Variants in CDH13 observed in about 807,000 individuals in gnomAD.
The protein encoded by CDH13 is cadherin 13.
Under a neutral mutation model 63.8 loss-of-function variants are expected in CDH13, and 24 were observed. The observed-to-expected ratio is 0.38, with a 90% CI of 0.27 to 0.53. The LOEUF is 0.53. CDH13 is among the 20% of genes least tolerant of loss of function. The pLI is 0.85. For synonymous variants in CDH13, 503 were observed against 355.3 expected (o/e 1.42, Z -4.67); for missense variants, 1,049 against 903.1 (o/e 1.16, Z -2.07).
chr16:83,006,029 G>C (rs761184301), intron 2 of CDH13, among the ~76,000 whole-genome samples: 2 of 152,296 alleles, frequency 1.3e-5, no homozygotes, highest in East Asian at 3.9e-4. Flanking sequence ...AATGTACTCA[G>C]TTCAGATTCA....
chr16:83,767,975 A>G (rs1367986303), intron 11 of CDH13, among the ~76,000 whole-genome samples: 2 of 152,212 alleles, frequency 1.3e-5, no homozygotes, highest in Non-Finnish European at 2.9e-5. Context: ...CGCAAAAATA[A>G]AGAGTAAGAA....
At position 82,702,071 on chromosome 16, in the gene CDH13, C is replaced by G. The variant is rs933524347; in HGVS notation, c.45+74934C>G. ...CATCCAACTCACCTTTCCCACTTGG[C>G]CTTCTGTCCTTGAATGCGAAGAACC... is the stretch of plus-strand genomic sequence containing the variant. On this transcript the variant is annotated intron_variant, in intron 1 of 13. Transcript: ENST00000567109. Among the ~76,000 whole-genome samples the G allele has an allele frequency of 3.9e-5, 6 of 152,310 alleles. No individual in the cohort carries two copies. The South Asian group carries it at 1.0e-3, about 26-fold the overall frequency.
Position 83,451,284 on chromosome 16 carries a change from T to C in CDH13, c.782-35193T>C, listed in dbSNP as rs144147280. Reference sequence around the variant, plus strand: ...GCAGAAGGCGAAGGAGGAGCAAAGTTACATCTTACATGGCAGCAGGCAAGA... The same window carrying C: ...GCAGAAGGCGAAGGAGGAGCAAAGTCACATCTTACATGGCAGCAGGCAAGA... On this transcript the variant is annotated intron_variant, in intron 6 of 13. Transcript: ENST00000567109. Among the ~76,000 whole-genome samples the C allele has an allele frequency of 3.0e-3, 458 of 152,218 alleles. 3 individuals carry two copies. The highest frequency in any genetic ancestry group is 0.018 in the East Asian group (93 of 5,174).
chr16:82,688,041 A>G (rs1471359515), intron 1 of CDH13, among the ~76,000 whole-genome samples: 2 of 152,192 alleles, frequency 1.3e-5, no homozygotes, highest in Non-Finnish European at 2.9e-5. Flanking sequence ...TATGGCAGCA[A>G]TGGTTCAAGT....
intron 4 of CDH13, among the ~76,000 whole-genome samples, chr16:83,197,709 TG>T (rs2038914857): frequency 6.6e-6 from 1 of 151,834 alleles, no homozygotes; most frequent in Admixed American, 6.6e-5. Context: ...ATCTCAATGG[TG>T]GTGATGGATA....
intron 2 of CDH13, among the ~76,000 whole-genome samples, chr16:82,915,030 C>T (rs2041943749): frequency 6.6e-6 from 1 of 152,214 alleles, no homozygotes; most frequent in Admixed American, 6.5e-5. Flanking sequence ...GTGGTCTAAA[C>T]TTTCACTGAA....
intron 1 of CDH13, among the ~76,000 whole-genome samples, chr16:82,672,902 C>A (rs376312198): frequency 6.6e-6 from 1 of 151,720 alleles, no homozygotes; most frequent in Non-Finnish European, 1.5e-5. Context: ...GCCACTTCTA[C>A]CTCCTGGGCT....
Position 83,012,203 on chromosome 16 carries a change from C to A in CDH13, c.158-19807C>A, listed in dbSNP as rs558483417. On this transcript the variant is annotated intron_variant, in intron 2 of 13. Coordinates refer to ENST00000567109, the MANE Select transcript of CDH13 (RefSeq NM_001257.5). Reference sequence around the variant, plus strand: ...TTTAAACACAATATTTTTCTGAGTTCTTTGGATTTTTAAGTACTTAAAATA... The same window carrying A: ...TTTAAACACAATATTTTTCTGAGTTATTTGGATTTTTAAGTACTTAAAATA... 2.0e-5 allele frequency among the ~76,000 whole-genome samples: 3 copies of A among 151,518 alleles called. No homozygotes were observed. The East Asian group carries it at 5.8e-4, about 29-fold the overall frequency.
chr16:82,961,576 A>T (rs1279999022), intron 2 of CDH13, among the ~76,000 whole-genome samples: 1 of 147,950 alleles, frequency 6.8e-6, no homozygotes, highest in African/African-American at 2.6e-5. Flanking sequence ...GGGACTTAAA[A>T]AAAAAAAAAA....
At chr16:82,630,565 C>T (rs1907885092) in intron 1 of CDH13, among the ~76,000 whole-genome samples, 1 of 152,112 alleles carries the variant, frequency 6.6e-6, no homozygotes, top group African/African-American at 2.4e-5. Context: ...GTGAAATTGC[C>T]CAACAAACCA....
At chr16:82,885,719 G>T (rs558931299) in intron 2 of CDH13, among the ~76,000 whole-genome samples, 20 of 152,214 alleles carry the variant, frequency 1.3e-4, no homozygotes, top group African/African-American at 4.8e-4. Context: ...GATCTTCAGT[G>T]AATCATTTTG....
chr16:82,824,551 T>C (rs1410754553), intron 1 of CDH13: 1 of 152,208 alleles, frequency 6.6e-6, no homozygotes, highest in African/African-American at 2.4e-5. Flanking sequence ...CATCTAGTCT[T>C]GAGCCAAAAA....
At chr16:82,685,582 G>A (rs552575151) in intron 1 of CDH13, among the ~76,000 whole-genome samples, 74 of 152,344 alleles carry the variant, frequency 4.9e-4, no homozygotes, top group African/African-American at 1.7e-3. Flanking sequence ...TAAGAAAGAT[G>A]TGTTTGTGCC....
intron 1 of CDH13, among the ~76,000 whole-genome samples, chr16:82,828,540 T>C (rs1219677093): frequency 1.3e-5 from 2 of 152,026 alleles, no homozygotes; most frequent in Non-Finnish European, 2.9e-5. Context: ...GGCATGAGAA[T>C]TGCTTGATCC....
intron 8 of CDH13, among the ~76,000 whole-genome samples, chr16:83,634,115 TTCTGTGTGTGTGTGTGTGTATGTG>T (rs1374214575): frequency 7.4e-6 from 1 of 135,680 alleles, no homozygotes; most frequent in Non-Finnish European, 1.6e-5. Flanking sequence ...TTTGTGTGTT[TTCTGTGTGTGTGTGTGTGTATGTG>T]TGTGTGTGTG....
At chr16:83,013,449 C>G (rs996543640) in intron 2 of CDH13, among the ~76,000 whole-genome samples, 1 of 152,132 alleles carries the variant, frequency 6.6e-6, no homozygotes, top group African/African-American at 2.4e-5. Flanking sequence ...CTGCCATAAA[C>G]AAACCAAGCA....
chr16:83,688,838 T>C (rs893159762), intron 10 of CDH13, among the ~76,000 whole-genome samples: 4 of 152,224 alleles, frequency 2.6e-5, no homozygotes, highest in African/African-American at 9.6e-5. Context: ...TTTTTAGTGG[T>C]CAGATGTTCT....
At chr16:82,874,080 G>A (rs190196196) in intron 2 of CDH13, among the ~76,000 whole-genome samples, 111 of 152,120 alleles carry the variant, frequency 7.3e-4, no homozygotes, top group African/African-American at 2.4e-3. Context: ...ACGATTCTAC[G>A]AGCGGGGTCT....
chr16:82,783,811 C>T (rs2035877694), intron 1 of CDH13, among the ~76,000 whole-genome samples: 1 of 142,748 alleles, frequency 7.0e-6, no homozygotes, highest in Non-Finnish European at 1.6e-5. Flanking sequence ...GAGGCAGCGG[C>T]AGGCTTCTGA....
Sources: allele counts gnomAD v4.1 joint callset (sites outside exome capture counted in the v4.1 genomes callset), GRCh38; gene constraint gnomAD v4.1.1; transcripts MANE v1.5; gene names NCBI Gene and HGNC (gene_info 2026-07-23, HGNC 2026-07-21).